Variants in CDIP1 observed in about 807,000 individuals in gnomAD.
The protein encoded by CDIP1 is cell death-inducing p53-target protein 1.
Under a neutral mutation model 17.7 loss-of-function variants are expected in CDIP1, and 9 were observed. That is an observed-to-expected ratio of 0.51 (90% CI 0.31 to 0.89). The LOEUF is 0.89. Among genes scored for constraint, CDIP1 ranks in the 40% least tolerant of loss-of-function variants. CDIP1 has a pLI of 0.05. For synonymous variants in CDIP1, 117 were observed against 109.5 expected (o/e 1.07, Z -0.43); for missense variants, 263 against 277.9 (o/e 0.95, Z 0.38).
chr16:4,527,357 G>A (rs924684326), intron 1 of CDIP1, among the ~76,000 whole-genome samples: 3 of 152,092 alleles, frequency 2.0e-5, no homozygotes, highest in African/African-American at 4.8e-5. Context: ...AAAGTGCTGC[G>A]ATTACAGGCA....
At chr16:4,525,431 T>C (rs955091303) in intron 1 of CDIP1, among the ~76,000 whole-genome samples, 1 of 152,160 alleles carries the variant, frequency 6.6e-6, no homozygotes, top group African/African-American at 2.4e-5. Flanking sequence ...TAATAGAGCA[T>C]GCACTGTTTG....
intron 1 of CDIP1, among the ~76,000 whole-genome samples, chr16:4,534,252 C>G (rs930552746): frequency 1.3e-5 from 2 of 152,186 alleles, no homozygotes; most frequent in Admixed American, 1.3e-4. Flanking sequence ...CACCCAGCCC[C>G]TTCTGTGCCA....
At chr16:4,532,817 T>G (rs565766656) in intron 1 of CDIP1, 1 of 152,190 alleles carries the variant, frequency 6.6e-6, no homozygotes, top group African/African-American at 2.4e-5. Context: ...GAACCTGAGC[T>G]TGACCATGCT....
At chr16:4,534,524 G>A (rs1350864962) in intron 1 of CDIP1, among the ~76,000 whole-genome samples, 2 of 152,142 alleles carry the variant, frequency 1.3e-5, no homozygotes, top group African/African-American at 4.8e-5. Flanking sequence ...TGGCAACCAT[G>A]GGCAAGTCAC....
rs1473861671 is a variant in CDIP1 at position 4,511,533 on chromosome 16, T to TG, written c.*1038dup. ...CCAAGGCAGTTCTACCACTTGTGGC[T>TG]GCTCCTTCCTCGTCCCTAGCCCAGT... On this transcript the variant is annotated 3_prime_UTR_variant, in exon 6 of 6. Coordinates refer to ENST00000567695, the MANE Select transcript of CDIP1 (RefSeq NM_013399.3). The TG allele has an allele frequency of 6.6e-6, 1 of 152,390 alleles. No homozygotes were observed. Among genetic ancestry groups the TG allele is most frequent in the Non-Finnish European group, 1.5e-5 (1 of 68,096 alleles). 9.4% of individuals were successfully genotyped at this position (152,390 alleles called of 1,614,324 possible). A position where few individuals can be genotyped will look rare whatever the true frequency, so the allele number is the denominator to read the frequency against.
intron 1 of CDIP1, chr16:4,538,484 G>C (rs1195412728): frequency 7.8e-6 from 1 of 129,000 alleles, no homozygotes; most frequent in East Asian, 2.3e-4. Flanking sequence ...TCTAGGACTT[G>C]TAGTCCGCCC....
At chr16:4,538,149 C>A (rs1014510092) in intron 1 of CDIP1, among the ~76,000 whole-genome samples, 1 of 152,178 alleles carries the variant, frequency 6.6e-6, no homozygotes, top group Non-Finnish European at 1.5e-5. Flanking sequence ...GAAAAACGTG[C>A]GGGCGAGCAG....
At chr16:4,534,744 A>C (rs1384592630) in intron 1 of CDIP1, among the ~76,000 whole-genome samples, 1 of 143,228 alleles carries the variant, frequency 7.0e-6, no homozygotes, top group Non-Finnish European at 1.5e-5. Context: ...TTTGAGATAG[A>C]GTCTTGCTCT....
chr16:4,521,352 A>T (rs534232308), intron 1 of CDIP1, among the ~76,000 whole-genome samples: 11 of 152,278 alleles, frequency 7.2e-5, no homozygotes, highest in South Asian at 6.2e-4. Flanking sequence ...CATTTCAAGA[A>T]CTGCTGTGCT....
intron 1 of CDIP1, among the ~76,000 whole-genome samples, chr16:4,537,037 C>G (rs1463686480): frequency 6.6e-6 from 1 of 152,078 alleles, no homozygotes; most frequent in Admixed American, 6.6e-5. Context: ...GGGTGAGAGA[C>G]GGATTTCTAA....
chr16:4,512,910 G>C lies in CDIP1; in HGVS notation c.396C>G (p.Ile132Met), dbSNP rs1234453518. Residue 132 changes from isoleucine to methionine, a missense_variant, in exon 5 of 6, where the codon ATC becomes ATG. Transcript: ENST00000567695. The surrounding 1 kb of genome is among the most constrained non-coding windows in gnomAD (Gnocchi z 4.6). ...ATTVTVLQGE[I>M]FEGAPVQTVC... ...CCGTCTGCACAGGCGCTCCCTCAAA[G>C]ATCTCTCCCTGCAGCACTGTCACCG... The C allele has an allele frequency of 1.3e-6, 2 of 1,574,198 alleles. No homozygotes were observed. The highest frequency in any genetic ancestry group is 1.3e-5 in the African/African-American group (1 of 74,436).
At chr16:4,530,447 C>G (rs1011787866) in intron 1 of CDIP1, among the ~76,000 whole-genome samples, 1 of 151,700 alleles carries the variant, frequency 6.6e-6, no homozygotes, top group African/African-American at 2.4e-5. Context: ...GTCGGGAGTT[C>G]GAAACCAGCC....
rs990840037 is a variant in CDIP1 at position 4,511,192 on chromosome 16, T to C, written c.*1380A>G. On this transcript the variant is annotated 3_prime_UTR_variant, in exon 6 of 6. Coordinates refer to ENST00000567695, the MANE Select transcript of CDIP1 (RefSeq NM_013399.3). ...TACGTGTTGGTGTTGTCCCAGGCAG[T>C]TGGCATGGCATCAGCACTGAGGGTG... 3.3e-5 allele frequency: 5 copies of C among 152,516 alleles called. No homozygotes were observed. The highest frequency in any genetic ancestry group is 1.2e-4 in the African/African-American group (5 of 41,452). The allele number at this position is 152,516 out of a possible 1,614,324, so 9.4% of individuals were successfully genotyped here.
At chr16:4,536,257 G>A (rs2059105071) in intron 1 of CDIP1, among the ~76,000 whole-genome samples, 1 of 152,158 alleles carries the variant, frequency 6.6e-6, no homozygotes, top group Non-Finnish European at 1.5e-5. Context: ...TCCCACTCAG[G>A]CAACTGAGTA....
Position 4,513,781 on chromosome 16 carries a change from TG to T in CDIP1, c.155del (p.Pro52HisfsTer20). On this transcript the variant is annotated frameshift_variant, in exon 4 of 6. Coordinates refer to ENST00000567695, the MANE Select transcript of CDIP1 (RefSeq NM_013399.3). LOFTEE classifies it high-confidence loss of function. This position sits in a 1 kb window ranked among gnomAD's most constrained non-coding sequence, Gnocchi z 4.1. The stretch of plus-strand genomic sequence containing the variant: ...TTGGGTGACCCGGCGGCTCATAGGG[TG>T]GGGGGCCAATGTCCGCAGGGGGCAG... ...MPLPPADIGP[P>X]PYEPPGHPMP... The T allele has an allele frequency of 1.9e-6, 3 of 1,607,270 alleles. No homozygotes were observed. The highest frequency in any genetic ancestry group is 2.6e-6 in the Non-Finnish European group (3 of 1,175,660).
intron 1 of CDIP1, among the ~76,000 whole-genome samples, chr16:4,516,211 A>G (rs987708622): frequency 9.2e-5 from 14 of 152,328 alleles, no homozygotes; most frequent in Middle Eastern, 3.4e-3. Context: ...AATGTCCCCA[A>G]TAGGCAAACC....
intron 1 of CDIP1, chr16:4,533,426 T>A (rs938114403): frequency 6.6e-6 from 1 of 152,336 alleles, no homozygotes; most frequent in Non-Finnish European, 1.5e-5. Context: ...GCAGCTTGGC[T>A]GCTGCTCTAG....
chr16:4,529,294 C>T (rs1400681339), intron 1 of CDIP1, among the ~76,000 whole-genome samples: 1 of 152,204 alleles, frequency 6.6e-6, no homozygotes, highest in African/African-American at 2.4e-5. Context: ...GGAGACCCAG[C>T]AGGAGGTCAC....
chr16:4,532,959 C>G (rs556758062), intron 1 of CDIP1: 1 of 152,394 alleles, frequency 6.6e-6, no homozygotes, highest in South Asian at 2.1e-4. Context: ...GAGGCCGTTT[C>G]ACTCAGCAGA....
Sources: gnomAD v4.1 joint callset for allele counts (sites outside exome capture counted in the v4.1 genomes callset) on GRCh38, gnomAD v4.1.1 for gene constraint, Gnocchi (gnomAD v3.1) non-coding constraint, MANE v1.5 for transcripts, NCBI Gene and HGNC (gene_info 2026-07-23, HGNC 2026-07-21) for gene names.